PRKN: variants seen among roughly 807,000 people sequenced by gnomAD.
PRKN encodes E3 ubiquitin-protein ligase parkin.
PRKN carries 56 observed loss-of-function variants against 59.5 expected under a neutral mutation model. The ratio of observed to expected loss-of-function variants is 0.94; its 90% CI spans 0.76 to 1.18. The LOEUF is 1.18. Ranked by LOEUF, PRKN falls within the 50% of genes most tolerant of loss-of-function variation. The pLI is 0.00. For missense variants in PRKN, 657 were observed against 596.4 expected (o/e 1.10, Z -1.06); for synonymous variants, 250 against 222.1 (o/e 1.13, Z -1.12).
chr6:162,559,386 C>T (rs1460658732), intron 1 of PRKN, among the ~76,000 whole-genome samples: 4 of 152,032 alleles, frequency 2.6e-5, no homozygotes, highest in African/African-American at 9.7e-5. Context: ...CCTGCCATCC[C>T]ATCACACACC....
intron 1 of PRKN, among the ~76,000 whole-genome samples, chr6:162,662,410 A>C (rs1023941838): frequency 1.6e-4 from 25 of 152,064 alleles, no homozygotes; most frequent in African/African-American, 5.8e-4. Context: ...TGCTGAGAAG[A>C]AGCTTTTTAG....
chr6:162,583,035 T>C (rs1780849392), intron 1 of PRKN, among the ~76,000 whole-genome samples: 1 of 152,216 alleles, frequency 6.6e-6, no homozygotes, highest in African/African-American at 2.4e-5. Context: ...AATACCATTA[T>C]AAAAGGGTAA....
At chr6:161,481,683 T>C (rs1053587026) in intron 9 of PRKN, among the ~76,000 whole-genome samples, 7 of 151,402 alleles carry the variant, frequency 4.6e-5, no homozygotes, top group Non-Finnish European at 8.8e-5. Flanking sequence ...ACAAAGAGGG[T>C]AGGTAGTGAA....
chr6:162,240,052 T>G (rs1205008533), intron 3 of PRKN, among the ~76,000 whole-genome samples: 1 of 152,044 alleles, frequency 6.6e-6, no homozygotes, highest in African/African-American at 2.4e-5. Context: ...GTTAAGAAAT[T>G]TATAACATTT....
intron 3 of PRKN, among the ~76,000 whole-genome samples, chr6:162,228,976 A>G (rs1420040074): frequency 6.6e-6 from 1 of 152,170 alleles, no homozygotes; most frequent in Admixed American, 6.5e-5. Context: ...ACACCTCTAA[A>G]TGATGGAAGG....
chr6:161,648,966 A>G (rs921115124), intron 7 of PRKN, among the ~76,000 whole-genome samples: 2 of 152,236 alleles, frequency 1.3e-5, no homozygotes, highest in Admixed American at 6.5e-5. Flanking sequence ...CCTTAGTCAC[A>G]TATATGACTT....
At position 161,499,734 on chromosome 6, in the gene PRKN, T is replaced by C. The variant is rs903220775; in HGVS notation, c.1083+49120A>G. On this transcript the variant is annotated intron_variant, in intron 9 of 11. Coordinates refer to ENST00000366898, the MANE Select transcript of PRKN (RefSeq NM_004562.3). This position sits in a 1 kb window ranked among gnomAD's most constrained non-coding sequence, Gnocchi z 4.2. ...TCTTAGGCACAATTAATCTTGAGAA[T>C]TACTGCTCTGTGGCTGAGGTCATCA... Among the ~76,000 whole-genome samples, 2 of 152,208 alleles carry C rather than the reference T, an allele frequency of 1.3e-5. No individual in the cohort carries two copies. Among genetic ancestry groups the C allele is most frequent in the Non-Finnish European group, 2.9e-5 (2 of 68,040 alleles).
Position 161,547,386 on chromosome 6 carries a change from T to A in PRKN, c.1083+1468A>T, listed in dbSNP as rs1779834839. 6.6e-6 allele frequency among the ~76,000 whole-genome samples: 1 copy of A among 152,202 alleles called. No individual in the cohort carries two copies. The highest frequency in any genetic ancestry group is 2.4e-5 in the African/African-American group (1 of 41,450). On this transcript the variant is annotated intron_variant, in intron 9 of 11. Coordinates refer to ENST00000366898, the MANE Select transcript of PRKN (RefSeq NM_004562.3). This position sits in a 1 kb window ranked among gnomAD's most constrained non-coding sequence, Gnocchi z 4.0. ...TTGCAGCTTAAGTATGTATGTTATT[T>A]ACTTATAATTTACTTGTATAAAAAA...
chr6:161,765,167 C>T lies in PRKN; in HGVS notation c.871+20605G>A, dbSNP rs569238152. 5.3e-5 allele frequency among the ~76,000 whole-genome samples: 8 copies of T among 152,250 alleles called. No individual in the cohort carries two copies. The South Asian group carries it at 8.3e-4, about 16-fold the overall frequency. ...AACGCTTCCATAATCTTCAGTGTTC[C>T]TTTAACATTCCTATAAACACATCAT... On this transcript the variant is annotated intron_variant, in intron 7 of 11. Transcript: ENST00000366898.
chr6:161,820,500 A>G (rs1791976381), intron 6 of PRKN, among the ~76,000 whole-genome samples: 1 of 148,068 alleles, frequency 6.8e-6, no homozygotes, highest in African/African-American at 2.4e-5. Flanking sequence ...TATAATATAT[A>G]CTATGTAATT....
chr6:161,539,531 G>A (rs943742430), intron 9 of PRKN, among the ~76,000 whole-genome samples: 3 of 139,908 alleles, frequency 2.1e-5, no homozygotes, highest in Admixed American at 1.5e-4. Context: ...GAAACACTTT[G>A]CCTAAAAAGG....
At chr6:162,064,613 A>G (rs540300188) in intron 4 of PRKN, among the ~76,000 whole-genome samples, 95 of 152,344 alleles carry the variant, frequency 6.2e-4, no homozygotes, top group South Asian at 1.0e-3. Flanking sequence ...TGTCCTACAT[A>G]TATCTATGTG....
chr6:161,802,660 G>A (rs973819788), intron 6 of PRKN, among the ~76,000 whole-genome samples: 7 of 152,096 alleles, frequency 4.6e-5, no homozygotes, highest in Non-Finnish European at 1.0e-4. Context: ...CATGTAAAAC[G>A]GTGGTGACCC....
intron 6 of PRKN, among the ~76,000 whole-genome samples, chr6:161,801,987 C>T (rs1379742132): frequency 6.6e-6 from 1 of 152,154 alleles, no homozygotes; most frequent in Admixed American, 6.5e-5. Flanking sequence ...TCAAATTGAA[C>T]TTGCAGATTC....
chr6:162,162,851 T>C (rs1188121516), intron 4 of PRKN, among the ~76,000 whole-genome samples: 1 of 146,716 alleles, frequency 6.8e-6, no homozygotes, highest in Non-Finnish European at 1.5e-5. Context: ...CTACTAAAAA[T>C]ACAAAAATCA....
chr6:162,612,013 G>A lies in PRKN; in HGVS notation c.7+115649C>T, dbSNP rs183959208. On this transcript the variant is annotated intron_variant, in intron 1 of 11. Transcript: ENST00000366898. ...ATCCTGGCTAACACGGTGAAACCCC[G>A]TCTCTACTAAAAATACGAAAAAAAA... Among the ~76,000 whole-genome samples, 354 of 149,266 alleles carry A rather than the reference G, an allele frequency of 2.4e-3. 9 individuals carry two copies. The East Asian group carries it at 0.044, about 19-fold the overall frequency.
At chr6:161,850,866 A>T (rs1793403994) in intron 6 of PRKN, among the ~76,000 whole-genome samples, 1 of 152,204 alleles carries the variant, frequency 6.6e-6, no homozygotes, top group Non-Finnish European at 1.5e-5. Flanking sequence ...AGAAACTCTC[A>T]GTGCTTCCAA....
intron 6 of PRKN, among the ~76,000 whole-genome samples, chr6:161,804,776 C>T (rs1260439689): frequency 6.6e-6 from 1 of 152,224 alleles, no homozygotes; most frequent in Non-Finnish European, 1.5e-5. Flanking sequence ...CATCTTCCAG[C>T]ACTTGGAAAC....
chr6:162,082,146 T>G (rs1779083512), intron 4 of PRKN, among the ~76,000 whole-genome samples: 1 of 152,046 alleles, frequency 6.6e-6, no homozygotes, highest in African/African-American at 2.4e-5. Flanking sequence ...GGTTGGGGGT[T>G]GTTGAATCAT....
Sources: allele counts gnomAD v4.1 joint callset (sites outside exome capture counted in the v4.1 genomes callset), GRCh38; gene constraint gnomAD v4.1.1; non-coding constraint Gnocchi (gnomAD v3.1); transcripts MANE v1.5; gene names NCBI Gene and HGNC (gene_info 2026-07-23, HGNC 2026-07-21).